PHLDA2: variants seen among roughly 807,000 people sequenced by gnomAD.
PHLDA2 encodes pleckstrin homology like domain family A member 2.
PHLDA2 carries 5 observed loss-of-function variants against 5.9 expected under a neutral mutation model. The ratio of observed to expected loss-of-function variants is 0.85; its 90% CI spans 0.44 to 1.78. PHLDA2 has a LOEUF of 1.78. Among genes scored for constraint, PHLDA2 ranks in the 40% most tolerant of loss-of-function variants. The pLI is 0.02. For synonymous variants in PHLDA2, 111 were observed against 102.7 expected (o/e 1.08, Z -0.49); for missense variants, 216 against 228.3 (o/e 0.95, Z 0.35).
chr11:2,928,786 G>A, intron 1 of PHLDA2, 110 bp downstream of exon 1: 2 of 823,860 alleles, frequency 2.4e-6, no homozygotes, highest in Non-Finnish European at 3.4e-6. Context: ...GGTCCCCCAA[G>A]GAGGTGCAGC....
chr11:2,929,007 CGGGTGCGGT>C lies in PHLDA2; in HGVS notation c.349_357del (p.Thr117_Pro119del), dbSNP rs752309318. On this transcript the variant is annotated inframe_deletion, in exon 1 of 2. Transcript: ENST00000314222. The surrounding 1 kb of genome is among the most constrained non-coding windows in gnomAD (Gnocchi z 8.3). ...GCCACGGCGTCCTCGGCGGGTGCGGCGGGTGCGGTGCGTTCCTGGCGGCTGCGAAAGTCC... is the reference window on the plus strand; with the variant it reads ...GCCACGGCGTCCTCGGCGGGTGCGGCGCGTTCCTGGCGGCTGCGAAAGTCC... 153 of 1,511,988 alleles carry C rather than the reference CGGGTGCGGT, an allele frequency of 1.0e-4. No individual in the cohort carries two copies. Among genetic ancestry groups the C allele is most frequent in the South Asian group, 1.8e-4 (14 of 77,378 alleles). 93.7% of individuals were successfully genotyped at this position (1,511,988 alleles called of 1,614,324 possible).
chr11:2,928,718 C>T (rs1850469034), intron 1 of PHLDA2, 51 bp from the exon 2 acceptor site: 2 of 504,746 alleles, frequency 4.0e-6, no homozygotes, highest in African/African-American at 2.0e-5. Context: ...GGTCCGGGTC[C>T]AGCCTGAGGG....
At position 2,929,391 on chromosome 11, in the gene PHLDA2, G is replaced by A. The variant is rs531790551; in HGVS notation, c.-27C>T. ...TCGTGCCGAGCGCGGGACTGGGAGC[G>A]GCAATGCGGGCGGTGACGGCGCCGG... On this transcript the variant is annotated 5_prime_UTR_variant, in exon 1 of 2. Transcript: ENST00000314222. This position sits in a 1 kb window ranked among gnomAD's most constrained non-coding sequence, Gnocchi z 8.3. 1.9e-6 allele frequency: 3 copies of A among 1,557,122 alleles called. No individual in the cohort carries two copies. The highest frequency in any genetic ancestry group is 1.4e-5 in the African/African-American group (1 of 72,104).
rs751733546 is a variant in PHLDA2, at chr11:2,929,019, G to T, written c.346C>A (p.Arg116Ser). ...ALQDFRSRQERTAPAAPAEDA... is the reference protein window; with the variant it reads ...ALQDFRSRQESTAPAAPAEDA... ...TCGGCGGGTGCGGCGGGTGCGGTGC[G>T]TTCCTGGCGGCTGCGAAAGTCCTGC... Residue 116 changes from arginine to serine, a missense_variant, in exon 1 of 2, where the codon CGC becomes AGC. By Grantham distance (110) the Arg-to-Ser change is moderately radical. Transcript: ENST00000314222. The surrounding 1 kb of genome is among the most constrained non-coding windows in gnomAD (Gnocchi z 8.3). 6 of 1,568,640 alleles carry T rather than the reference G, an allele frequency of 3.8e-6. No homozygotes were observed. Among genetic ancestry groups the T allele is most frequent in the Non-Finnish European group, 4.3e-6 (5 of 1,165,584 alleles).
chr11:2,928,992 C>A lies in PHLDA2; in HGVS notation c.373G>T (p.Asp125Tyr). 2 of 1,551,322 alleles carry A rather than the reference C, an allele frequency of 1.3e-6. No homozygotes were observed. The highest frequency in any genetic ancestry group is 1.7e-6 in the Non-Finnish European group (2 of 1,155,882). Residue 125 changes from aspartate (D) to tyrosine (Y), a missense_variant, in exon 1 of 2, where the codon GAC becomes TAC. Asp to Tyr is a radical substitution (Grantham distance 160). Transcript: ENST00000314222. ...ERTAPAAPAE[D>Y]AVAAAAAAPS... ...GCGGCGGCCGCGGCAGCCACGGCGT[C>A]CTCGGCGGGTGCGGCGGGTGCGGTG...
rs571887097 is a variant in PHLDA2, at chr11:2,929,400, G to A, written c.-36C>T. ...GCGCGGGACTGGGAGCGGCAATGCG[G>A]GCGGTGACGGCGCCGGCTCTGCTCC... On this transcript the variant is annotated 5_prime_UTR_variant, in exon 1 of 2. Transcript: ENST00000314222. This position sits in a 1 kb window ranked among gnomAD's most constrained non-coding sequence, Gnocchi z 8.3. 1.4e-5 allele frequency: 21 copies of A among 1,516,546 alleles called. No individual in the cohort carries two copies. In the East Asian group the frequency reaches 4.3e-4, roughly 31 times the overall value. The allele number at this position is 1,516,546 out of a possible 1,614,324, so 93.9% of individuals were successfully genotyped here. A position where few individuals can be genotyped will look rare whatever the true frequency, so the allele number is the denominator to read the frequency against.
chr11:2,928,767 G>A lies in PHLDA2; in HGVS notation c.*11-100C>T, dbSNP rs1483958082. The A allele has an allele frequency of 1.7e-5, 12 of 694,788 alleles. No individual in the cohort carries two copies. The South Asian group carries it at 2.7e-4, about 16-fold the overall frequency. 43.0% of individuals were successfully genotyped at this position (694,788 alleles called of 1,614,324 possible). The stretch of plus-strand genomic sequence containing the variant: ...GACGCGAGGGGGCCAGCGCGATTGC[G>A]GGGCGCCGGGTCCCCCAAGGAGGTG... On this transcript the variant is annotated intron_variant, in intron 1 of 1. Transcript: ENST00000314222.
At position 2,929,293 on chromosome 11, in the gene PHLDA2, C is replaced by A; in HGVS notation, c.72G>T (p.Trp24Cys). The A allele has an allele frequency of 1.2e-6, 2 of 1,610,348 alleles. No homozygotes were observed. Among genetic ancestry groups the A allele is most frequent in the Non-Finnish European group, 1.7e-6 (2 of 1,179,122 alleles). Residue 24 changes from tryptophan (W) to cysteine (C), a missense_variant, in exon 1 of 2, where the codon TGG becomes TGT. Coordinates refer to ENST00000314222, the MANE Select transcript of PHLDA2 (RefSeq NM_003311.4). This position sits in a 1 kb window ranked among gnomAD's most constrained non-coding sequence, Gnocchi z 8.3. ...AGGTGAGCACCCCGCGCTTCTTCTT[C>A]CATAGCTGGAAGAGGCTGTCGCTGC... ...EKRSDSLFQLWKKKRGVLTSD... is the reference protein window; with the variant it reads ...EKRSDSLFQLCKKKRGVLTSD...
rs201005499 is a variant in PHLDA2, at chr11:2,929,228, C to A, written c.137G>T (p.Arg46Leu). ...LSLFPASPRA[R>L]PKELRFHSIL... ...GGAGTGGAAGCGCAGCTCCTTGGGG[C>A]GCGCGCGGGGGCTGGCGGGGAACAG... is the stretch of plus-strand genomic sequence containing the variant. Residue 46 changes from arginine (R) to leucine (L), a missense_variant, in exon 1 of 2, where the codon CGC becomes CTC. Coordinates refer to ENST00000314222, the MANE Select transcript of PHLDA2 (RefSeq NM_003311.4). This position sits in a 1 kb window ranked among gnomAD's most constrained non-coding sequence, Gnocchi z 8.3. 22 of 1,611,922 alleles carry A rather than the reference C, an allele frequency of 1.4e-5. No homozygotes were observed. Among genetic ancestry groups the A allele is most frequent in the Non-Finnish European group, 1.9e-5 (22 of 1,179,682 alleles).
At position 2,929,188 on chromosome 11, in the gene PHLDA2, G is replaced by A. The variant is rs1355469956; in HGVS notation, c.177C>T (p.Asp59=). The change falls in exon 1 of 2, where the codon GAC becomes GAT. Residue 59 remains aspartate, a synonymous_variant. Transcript: ENST00000314222. This position sits in a 1 kb window ranked among gnomAD's most constrained non-coding sequence, Gnocchi z 8.3. ...CGTACTTGCCCGTGCGCTCCACGCAGTCCACCTTGAGGATGGAGTGGAAGC... is the reference window on the plus strand; with the variant it reads ...CGTACTTGCCCGTGCGCTCCACGCAATCCACCTTGAGGATGGAGTGGAAGC... The part of the protein sequence containing the change: ...ELRFHSILKV[D]CVERTGKYVY... 1.9e-6 allele frequency: 3 copies of A among 1,612,784 alleles called. No homozygotes were observed. The highest frequency in any genetic ancestry group is 1.7e-5 in the Admixed American group (1 of 60,008).
rs1311475145 is a variant in PHLDA2 at position 2,929,342 on chromosome 11, A to G, written c.23T>C (p.Leu8Pro). 2 of 1,607,820 alleles carry G rather than the reference A, an allele frequency of 1.2e-6. No individual in the cohort carries two copies. Among genetic ancestry groups the G allele is most frequent in the South Asian group, 2.2e-5 (2 of 90,254 alleles). ...GCGCTTCTCCAACTCGCCCTCGCGT[A>G]GCACCTCGTCGGGGGATTTCATGTC... MKSPDEV[L>P]REGELEKRSD... Residue 8 changes from leucine (L) to proline (P), a missense_variant, in exon 1 of 2, where the codon CTA becomes CCA. By Grantham distance (98) the Leu-to-Pro change is moderately conservative. Transcript: ENST00000314222. This position sits in a 1 kb window ranked among gnomAD's most constrained non-coding sequence, Gnocchi z 8.3.
intron 1 of PHLDA2, 109 bp from the exon 2 acceptor site, chr11:2,928,776 G>A (rs1850469748): frequency 5.3e-6 from 4 of 760,310 alleles, no homozygotes. Flanking sequence ...CGGGGCGCCG[G>A]GTCCCCCAAG....
chr11:2,929,266 G>A lies in PHLDA2; in HGVS notation c.99C>T (p.Ser33=). The A allele has an allele frequency of 1.2e-6, 2 of 1,611,308 alleles. No homozygotes were observed. Among genetic ancestry groups the A allele is most frequent in the Non-Finnish European group, 8.5e-7 (1 of 1,179,488 alleles). ...TGGCGGGGAACAGGCTCAGGCGGTC[G>A]GAGGTGAGCACCCCGCGCTTCTTCT... ...LWKKKRGVLT[S]DRLSLFPASP... The change falls in exon 1 of 2, where the codon TCC becomes TCT. Residue 33 remains serine (S), a synonymous_variant. Coordinates refer to ENST00000314222, the MANE Select transcript of PHLDA2 (RefSeq NM_003311.4). This position sits in a 1 kb window ranked among gnomAD's most constrained non-coding sequence, Gnocchi z 8.3.
chr11:2,929,135 T>C lies in PHLDA2; in HGVS notation c.230A>G (p.His77Arg). ...YVYFTIVTTDHKEIDFRCAGE... is the reference protein window; with the variant it reads ...YVYFTIVTTDRKEIDFRCAGE... Reference sequence around the variant, plus strand: ...CGCGCAGCGGAAGTCGATCTCCTTGTGGTCGGTGGTGACGATGGTGAAGTA... The same window carrying C: ...CGCGCAGCGGAAGTCGATCTCCTTGCGGTCGGTGGTGACGATGGTGAAGTA... Residue 77 changes from histidine to arginine, a missense_variant, in exon 1 of 2, where the codon CAC becomes CGC. By Grantham distance (29) the His-to-Arg change is conservative. Transcript: ENST00000314222. The surrounding 1 kb of genome is among the most constrained non-coding windows in gnomAD (Gnocchi z 8.3). The C allele has an allele frequency of 6.2e-7, 1 of 1,612,826 alleles. No individual in the cohort carries two copies. The highest frequency in any genetic ancestry group is 8.5e-7 in the Non-Finnish European group (1 of 1,179,870).
intron 1 of PHLDA2, 99 bp downstream of exon 1, chr11:2,928,797 G>GC: frequency 2.2e-6 from 2 of 911,506 alleles, no homozygotes; most frequent in Admixed American, 8.4e-5. Context: ...GAGGTGCAGC[G>GC]CCCCCGCCCC....
Position 2,928,311 on chromosome 11 carries a change from C to G in PHLDA2, c.*367G>C, listed in dbSNP as rs1425514247. 6.6e-6 allele frequency: 1 copy of G among 152,374 alleles called. No individual in the cohort carries two copies. Among genetic ancestry groups the G allele is most frequent in the Non-Finnish European group, 1.5e-5 (1 of 68,160 alleles). 9.4% of individuals were successfully genotyped at this position (152,374 alleles called of 1,614,324 possible). On this transcript the variant is annotated 3_prime_UTR_variant, in exon 2 of 2. Coordinates refer to ENST00000314222, the MANE Select transcript of PHLDA2 (RefSeq NM_003311.4). ...TTCATTTATTCATTCAAAGCCGGTT[C>G]CCAGCGCCTTTCACACCAGCCCCGC...
At position 2,929,238 on chromosome 11, in the gene PHLDA2, G is replaced by T. The variant is rs751202330; in HGVS notation, c.127C>A (p.Pro43Thr). Residue 43 changes from proline (P) to threonine (T), a missense_variant, in exon 1 of 2, where the codon CCC (proline) becomes ACC (threonine). Transcript: ENST00000314222. This position sits in a 1 kb window ranked among gnomAD's most constrained non-coding sequence, Gnocchi z 8.3. ...SDRLSLFPAS[P>T]RARPKELRFH... ...CGCAGCTCCTTGGGGCGCGCGCGGG[G>T]GCTGGCGGGGAACAGGCTCAGGCGG... 2.5e-6 allele frequency: 4 copies of T among 1,612,014 alleles called. No homozygotes were observed. The highest frequency in any genetic ancestry group is 4.5e-5 in the East Asian group (2 of 44,814).
Position 2,929,107 on chromosome 11 carries a change from G to C in PHLDA2, c.258C>G (p.Gly86=). 6.2e-7 allele frequency: 1 copy of C among 1,611,890 alleles called. No individual in the cohort carries two copies. The highest frequency in any genetic ancestry group is 8.5e-7 in the Non-Finnish European group (1 of 1,179,562). ...DHKEIDFRCA[G]ESCWNAAIAL... is the part of the protein sequence containing the mutation. Reference sequence around the variant, plus strand: ...CGATGGCCGCGTTCCAGCAGCTCTCGCCCGCGCAGCGGAAGTCGATCTCCT... The same window carrying C: ...CGATGGCCGCGTTCCAGCAGCTCTCCCCCGCGCAGCGGAAGTCGATCTCCT... The change falls in exon 1 of 2, where the codon GGC becomes GGG. Residue 86 remains glycine (G), a synonymous_variant. Transcript: ENST00000314222. The surrounding 1 kb of genome is among the most constrained non-coding windows in gnomAD (Gnocchi z 8.3).
chr11:2,929,400 G>T lies in PHLDA2; in HGVS notation c.-36C>A, dbSNP rs571887097. The T allele has an allele frequency of 9.9e-6, 15 of 1,516,428 alleles. No homozygotes were observed. The highest frequency in any genetic ancestry group is 1.3e-5 in the Non-Finnish European group (15 of 1,118,204). 93.9% of individuals were successfully genotyped at this position (1,516,428 alleles called of 1,614,324 possible). ...GCGCGGGACTGGGAGCGGCAATGCG[G>T]GCGGTGACGGCGCCGGCTCTGCTCC... On this transcript the variant is annotated 5_prime_UTR_variant, in exon 1 of 2. Transcript: ENST00000314222. The surrounding 1 kb of genome is among the most constrained non-coding windows in gnomAD (Gnocchi z 8.3).
Sources: gnomAD v4.1 joint callset for allele counts on GRCh38, gnomAD v4.1.1 for gene constraint, Gnocchi (gnomAD v3.1) non-coding constraint, MANE v1.5 for transcripts, NCBI Gene and HGNC (gene_info 2026-07-23, HGNC 2026-07-21) for gene names.